The following CADM2 variants were observed in gnomAD, a reference collection of about 807,000 sequenced individuals.
CADM2 encodes cell adhesion molecule 2, also known as immunoglobulin superfamily member 4D.
A neutral mutation model predicts 49.8 loss-of-function variants in CADM2; 12 were observed. The observed-to-expected ratio is 0.24, with a 90% CI of 0.15 to 0.39. The LOEUF is 0.39. CADM2 is among the 10% of genes least tolerant of loss of function. CADM2 has a pLI of 1.00. For synonymous variants in CADM2, 214 were observed against 175.4 expected (o/e 1.22, Z -1.74); for missense variants, 378 against 492.3 (o/e 0.77, Z 2.20).
intron 2 of CADM2, among the ~76,000 whole-genome samples, chr3:85,796,969 C>T (rs756205409): frequency 3.3e-5 from 5 of 151,922 alleles, no homozygotes; most frequent in Non-Finnish European, 5.9e-5. Context: ...GTGACACGCA[C>T]CTGCAGTTCC....
At chr3:85,547,528 A>G (rs1177701035) in intron 1 of CADM2, among the ~76,000 whole-genome samples, 1 of 152,160 alleles carries the variant, frequency 6.6e-6, no homozygotes, top group Non-Finnish European at 1.5e-5. Context: ...CAGAAACCCT[A>G]GCTTCTGCTG....
At chr3:85,648,683 A>T (rs1221862523) in intron 1 of CADM2, among the ~76,000 whole-genome samples, 1 of 152,054 alleles carries the variant, frequency 6.6e-6, no homozygotes, top group Non-Finnish European at 1.5e-5. Flanking sequence ...AGTCCTAAGA[A>T]GAAATCCAAT....
At chr3:85,422,985 C>T (rs1318878803) in intron 1 of CADM2, among the ~76,000 whole-genome samples, 3 of 152,020 alleles carry the variant, frequency 2.0e-5, no homozygotes, top group Non-Finnish European at 2.9e-5. Flanking sequence ...TCTTCTCCTG[C>T]GTCCAGGAAG....
chr3:85,562,262 C>T (rs898529832), intron 1 of CADM2, among the ~76,000 whole-genome samples: 1 of 151,880 alleles, frequency 6.6e-6, no homozygotes, highest in South Asian at 2.1e-4. Context: ...GGCGGATCAC[C>T]TGAGGTCGGG....
Position 85,736,260 on chromosome 3 carries a change from C to G in CADM2, c.88+9712C>G, listed in dbSNP as rs80262809. 1.6e-4 allele frequency among the ~76,000 whole-genome samples: 25 copies of G among 152,276 alleles called. 1 individual carries two copies. The East Asian group carries it at 4.2e-3, about 26-fold the overall frequency. ...ATGGATTTAGCAATGTGGAAACAAG[C>G]AATGTAACCTTGGTAATTGCCAATT... On this transcript the variant is annotated intron_variant, in intron 2 of 9. Coordinates refer to ENST00000383699, the MANE Select transcript of CADM2 (RefSeq NM_001167675.2).
At chr3:85,773,954 T>C (rs1197454001) in intron 2 of CADM2, among the ~76,000 whole-genome samples, 2 of 151,972 alleles carry the variant, frequency 1.3e-5, no homozygotes, top group Non-Finnish European at 2.9e-5. Context: ...ATTTTACCTA[T>C]CCAGGAAAGC....
intron 3 of CADM2, among the ~76,000 whole-genome samples, chr3:85,852,696 C>T (rs1458077266): frequency 6.6e-6 from 1 of 152,026 alleles, no homozygotes; most frequent in Non-Finnish European, 1.5e-5. Flanking sequence ...ACATGCAAAA[C>T]ATTTTATAAC....
At chr3:85,274,677 T>C (rs1001736255) in intron 1 of CADM2, among the ~76,000 whole-genome samples, 1 of 151,536 alleles carries the variant, frequency 6.6e-6, no homozygotes, top group Non-Finnish European at 1.5e-5. Context: ...AATTATCACA[T>C]ATTCATTCAA....
chr3:85,057,707 C>A (rs931185398), intron 1 of CADM2, among the ~76,000 whole-genome samples: 1 of 152,012 alleles, frequency 6.6e-6, no homozygotes, highest in East Asian at 1.9e-4. Flanking sequence ...ACAATCTAAT[C>A]AAAAACAAAC....
At chr3:85,691,470 A>C (rs1032191960) in intron 1 of CADM2, among the ~76,000 whole-genome samples, 3 of 152,186 alleles carry the variant, frequency 2.0e-5, no homozygotes, top group African/African-American at 7.2e-5. Context: ...GCAGAACAAC[A>C]ACTACCCTAT....
At chr3:86,046,181 A>T (rs959318709) in intron 8 of CADM2, among the ~76,000 whole-genome samples, 3 of 152,178 alleles carry the variant, frequency 2.0e-5, no homozygotes, top group Non-Finnish European at 4.4e-5. Context: ...ATACCTAGTT[A>T]ACCTAAATTA....
At chr3:85,677,577 T>C (rs978509368) in intron 1 of CADM2, among the ~76,000 whole-genome samples, 6 of 152,046 alleles carry the variant, frequency 3.9e-5, no homozygotes, top group African/African-American at 1.4e-4. Context: ...TCAATAAAGA[T>C]TACAATAAAA....
intron 1 of CADM2, among the ~76,000 whole-genome samples, chr3:85,069,899 A>C (rs948086277): frequency 6.6e-6 from 1 of 152,116 alleles, no homozygotes. Context: ...AACCTGAGAT[A>C]TGTGTTGCTA....
intron 1 of CADM2, among the ~76,000 whole-genome samples, chr3:85,697,418 A>G (rs1333661421): frequency 2.6e-5 from 4 of 152,146 alleles, no homozygotes; most frequent in Non-Finnish European, 5.9e-5. Flanking sequence ...CAATATTGTC[A>G]AAATAATCCA....
chr3:85,948,665 G>T (rs959593910), intron 7 of CADM2, among the ~76,000 whole-genome samples: 1 of 150,466 alleles, frequency 6.6e-6, no homozygotes, highest in African/African-American at 2.4e-5. Context: ...CTCAATCCAG[G>T]TATACAAAAC....
intron 2 of CADM2, among the ~76,000 whole-genome samples, chr3:85,783,984 C>T (rs1577303960): frequency 6.6e-6 from 1 of 152,134 alleles, no homozygotes; most frequent in Non-Finnish European, 1.5e-5. Context: ...ATTACAGCCT[C>T]AAATGTGAGC....
rs974324372 is a variant in CADM2, at chr3:86,014,849, C to T, written c.971-50756C>T. The T allele has an allele frequency of 3.3e-6, 5 of 1,515,732 alleles. No individual in the cohort carries two copies. In the East Asian group the frequency reaches 9.1e-5, roughly 28 times the overall value. The allele number at this position is 1,515,732 out of a possible 1,614,324, so 93.9% of individuals were successfully genotyped here. ...ATGAAGCCCTCCACCTGCCTGACAT[C>T]AAGTTTTTTCCTAATGTGTATGCAT... On this transcript the variant is annotated intron_variant, in intron 8 of 9. Transcript: ENST00000383699.
intron 1 of CADM2, among the ~76,000 whole-genome samples, chr3:85,024,284 G>A (rs2034629709): frequency 6.6e-6 from 1 of 152,070 alleles, no homozygotes; most frequent in Non-Finnish European, 1.5e-5. Context: ...TATTCTTTGA[G>A]GTAAGTAATA....
chr3:85,775,651 A>C (rs1290136804), intron 2 of CADM2, among the ~76,000 whole-genome samples: 1 of 151,874 alleles, frequency 6.6e-6, no homozygotes, highest in Non-Finnish European at 1.5e-5. Flanking sequence ...TCAGCTCTAT[A>C]AAATAGATTT....
Sources: gnomAD v4.1 joint callset for allele counts (sites outside exome capture counted in the v4.1 genomes callset) on GRCh38, gnomAD v4.1.1 for gene constraint, MANE v1.5 for transcripts, NCBI Gene and HGNC (gene_info 2026-07-23, HGNC 2026-07-21) for gene names.